NFATC3: variants seen among roughly 807,000 people sequenced by gnomAD.
NFATC3 encodes nuclear factor of activated T-cells, cytoplasmic 3.
In NFATC3, 46 loss-of-function variants were observed where a neutral mutation model predicts 98.6. The observed-to-expected ratio is 0.47, with a 90% confidence interval of 0.37 to 0.60. The LOEUF is 0.60. NFATC3 is among the 20% of genes least tolerant of loss of function. The pLI, the probability that NFATC3 is intolerant of heterozygous loss-of-function variation, is 0.00. For synonymous variants in NFATC3, 512 were observed against 472.2 expected, an observed-to-expected ratio of 1.08 and a Z score of -1.09; for missense variants, 1,256 against 1,295.5, an observed-to-expected ratio of 0.97 and a Z score of 0.47.
chr16:68,150,282 G>C (rs2038246224), intron 3 of NFATC3, among the ~76,000 whole-genome samples: 1 of 151,968 alleles, frequency 6.6e-6, no homozygotes, highest in Non-Finnish European at 1.5e-5. Flanking sequence ...GAGATTTAAA[G>C]ATAATACAAT....
At chr16:68,159,725 C>A (rs939139239) in intron 4 of NFATC3, among the ~76,000 whole-genome samples, 2 of 151,886 alleles carry the variant, frequency 1.3e-5, no homozygotes, top group Non-Finnish European at 2.9e-5. Context: ...GCCTGGCCCA[C>A]AGACCTTTCT....
rs1338851866 is a variant in NFATC3 at position 68,122,367 on chromosome 16, C to G, written c.484C>G (p.Leu162Val). The stretch of plus-strand genomic sequence containing the variant: ...TGAGCCATCCTACCGGGAGTCTTCT[C>G]TTAGTCCTAGTCCTGCCAGCAGCAT... ...PLEPSYRESS[L>V]SPSPASSISS... The change falls in exon 2 of 10, where the codon CTT becomes GTT. Residue 162 changes from leucine to valine, a missense_variant. Physicochemically the swap from Leu to Val is conservative, Grantham distance 32. Coordinates refer to ENST00000346183, the MANE Select transcript of NFATC3 (RefSeq NM_173165.3). 1 of 1,614,036 alleles carries G rather than the reference C, an allele frequency of 6.2e-7. No individual in the cohort carries two copies. Among genetic ancestry groups the G allele is most frequent in the East Asian group, 2.2e-5 (1 of 44,892 alleles).
Position 68,191,254 on chromosome 16 carries a change from C to G in NFATC3, c.2585C>G (p.Thr862Arg). 4.3e-6 allele frequency: 7 copies of G among 1,614,184 alleles called. No homozygotes were observed. The highest frequency in any genetic ancestry group is 5.1e-6 in the Non-Finnish European group (6 of 1,180,038). The change falls in exon 9 of 10, where the codon ACA becomes AGA. Residue 862 changes from threonine (T) to arginine (R), a missense_variant. This residue lies in a region of NFATC3 where 636 missense variants were observed against 617.3 expected (regional missense o/e 1.03). Coordinates refer to ENST00000346183, the MANE Select transcript of NFATC3 (RefSeq NM_173165.3). ...TTTCATTCTTCAAATTCAGGCTCAA[C>G]AGGACATCTCTTAGCCCATACACCT... ...IPFHSSNSGS[T>R]GHLLAHTPHS...
intron 9 of NFATC3, among the ~76,000 whole-genome samples, chr16:68,213,405 A>G (rs1436517647): frequency 6.6e-6 from 1 of 150,796 alleles, no homozygotes; most frequent in African/African-American, 2.4e-5. Context: ...ACAGAGCAAG[A>G]CTCTGTCTCA....
chr16:68,214,544 G>A (rs2041555830), intron 9 of NFATC3: 2 of 791,970 alleles, frequency 2.5e-6, no homozygotes, highest in Admixed American at 2.1e-5. Context: ...GCATTTTCTG[G>A]TAGGCCCACT....
At chr16:68,192,372 T>C (rs946938926) in intron 9 of NFATC3, 4 of 149,204 alleles carry the variant, frequency 2.7e-5, no homozygotes, top group South Asian at 2.1e-4. Context: ...AGGGTAGATA[T>C]GAAAATCCAT....
chr16:68,221,709 C>G, intron 9 of NFATC3: 2 of 588,376 alleles, frequency 3.4e-6, no homozygotes, highest in Non-Finnish European at 4.3e-6. Context: ...GGAAAATCTT[C>G]TGACTTTAAC....
At chr16:68,139,707 A>C (rs577586698) in intron 3 of NFATC3, among the ~76,000 whole-genome samples, 1 of 152,204 alleles carries the variant, frequency 6.6e-6, no homozygotes, top group African/African-American at 2.4e-5. Flanking sequence ...CTTTTCTTCA[A>C]AATAAGTTAT....
chr16:68,154,765 G>A (rs1166446714), intron 3 of NFATC3, among the ~76,000 whole-genome samples: 1 of 152,192 alleles, frequency 6.6e-6, no homozygotes, highest in Non-Finnish European at 1.5e-5. Context: ...GGCCAGCAAG[G>A]CTAGAGCAGA....
chr16:68,131,796 C>T (rs994797131), intron 3 of NFATC3, among the ~76,000 whole-genome samples: 2 of 152,006 alleles, frequency 1.3e-5, no homozygotes, highest in African/African-American at 4.8e-5. Flanking sequence ...CCTAAACATA[C>T]CACATTTATA....
intron 1 of NFATC3, among the ~76,000 whole-genome samples, chr16:68,120,556 G>A (rs937304823): frequency 6.9e-6 from 1 of 144,032 alleles, no homozygotes; most frequent in Non-Finnish European, 1.5e-5. Flanking sequence ...TCAAGCCAGA[G>A]AGAGACTCTG....
intron 7 of NFATC3, 129 bp downstream of exon 7, chr16:68,181,659 G>GAGCCACCATGCCCA: frequency 4.8e-6 from 3 of 627,942 alleles, no homozygotes; most frequent in Non-Finnish European, 8.3e-6. Context: ...GGCTGGGCAT[G>GAGCCACCATGCCCA]GTGGCTCATG....
At chr16:68,199,528 G>T (rs1455422478) in intron 9 of NFATC3, among the ~76,000 whole-genome samples, 1 of 130,488 alleles carries the variant, frequency 7.7e-6, no homozygotes, top group Non-Finnish European at 1.6e-5. Context: ...CCGGCCCCAA[G>T]ACCCTGTTTA....
rs762028567 is a variant in NFATC3, at chr16:68,174,510, A to G, written c.1911A>G (p.Gly637=). Residue 637 remains glycine (G), a synonymous_variant, in exon 6 of 10, where the codon GGA becomes GGG. Coordinates refer to ENST00000346183, the MANE Select transcript of NFATC3 (RefSeq NM_173165.3). The part of the protein sequence containing the change: ...PESKIIFLEK[G]QDGRPQWEVE... Reference sequence around the variant, plus strand: ...CCAAAATCATTTTTCTTGAAAAAGGACAAGGTAAGTAATATATGAGTTGAT... The same window carrying G: ...CCAAAATCATTTTTCTTGAAAAAGGGCAAGGTAAGTAATATATGAGTTGAT... The G allele has an allele frequency of 6.2e-7, 1 of 1,600,410 alleles. No individual in the cohort carries two copies. The highest frequency in any genetic ancestry group is 8.5e-7 in the Non-Finnish European group (1 of 1,174,532).
intron 3 of NFATC3, among the ~76,000 whole-genome samples, chr16:68,157,058 T>A (rs1445167738): frequency 6.6e-6 from 1 of 151,904 alleles, no homozygotes; most frequent in Non-Finnish European, 1.5e-5. Context: ...GGTTTCCCTC[T>A]AACATCAGGA....
intron 5 of NFATC3, among the ~76,000 whole-genome samples, chr16:68,170,881 TA>T (rs1235032061): frequency 6.9e-6 from 1 of 145,722 alleles, no homozygotes; most frequent in African/African-American, 2.6e-5. Flanking sequence ...GATACAGTTT[TA>T]TATCGTTTTG....
intron 1 of NFATC3, chr16:68,089,029 G>A (rs1567490771): frequency 8.1e-6 from 8 of 985,286 alleles, no homozygotes; most frequent in African/African-American, 7.0e-5. Context: ...CTGCTCTTTC[G>A]TGGTAGAGGA....
intron 3 of NFATC3, among the ~76,000 whole-genome samples, chr16:68,142,018 C>T (rs1310603438): frequency 1.3e-5 from 2 of 152,232 alleles, no homozygotes; most frequent in East Asian, 1.9e-4. Flanking sequence ...CATTCTTCTA[C>T]GTGTGGCTGT....
intron 1 of NFATC3, among the ~76,000 whole-genome samples, chr16:68,100,888 T>TGTGTGTGTGTGTGTGTGGG (rs1491392652): frequency 2.2e-4 from 23 of 105,958 alleles, no homozygotes; most frequent in African/African-American, 7.7e-4. Context: ...TTGAGAGTTC[T>TGTGTGTGTGTGTGTGTGGG]GTGTGTGTGT....
Sources: allele counts gnomAD v4.1 joint callset (sites outside exome capture counted in the v4.1 genomes callset), GRCh38; gene constraint gnomAD v4.1.1; regional missense constraint gnomAD v4.1.1; transcripts MANE v1.5; gene names NCBI Gene and HGNC (gene_info 2026-07-23, HGNC 2026-07-21).